Variants in UQCC1 observed in about 807,000 individuals in gnomAD.
UQCC1 encodes bFGF-repressed Zic-binding protein.
Under a neutral mutation model 48.0 loss-of-function variants are expected in UQCC1, and 38 were observed. The observed-to-expected ratio is 0.79, with a 90% confidence interval of 0.61 to 1.04. The LOEUF is 1.04. Among genes scored for constraint, UQCC1 ranks in the 50% least tolerant of loss-of-function variants. UQCC1 has a pLI of 0.00. For missense variants in UQCC1, 368 were observed against 381.8 expected, an observed-to-expected ratio of 0.96 and a Z score of 0.30; for synonymous variants, 111 against 129.2, an observed-to-expected ratio of 0.86 and a Z score of 0.95.
chr20:35,399,501 T>G (rs570120136), intron 1 of UQCC1, among the ~76,000 whole-genome samples: 1 of 152,120 alleles, frequency 6.6e-6, no homozygotes, highest in East Asian at 1.9e-4. Context: ...AATTTCCTTG[T>G]AGTAATTTTT....
chr20:35,397,093 G>A (rs1030867924), intron 1 of UQCC1, among the ~76,000 whole-genome samples: 1 of 151,652 alleles, frequency 6.6e-6, no homozygotes, highest in Admixed American at 6.6e-5. Context: ...AGCTACTCTG[G>A]AGGCTGAGGC....
intron 4 of UQCC1, among the ~76,000 whole-genome samples, chr20:35,375,142 T>C (rs2061781650): frequency 6.6e-6 from 1 of 152,078 alleles, no homozygotes; most frequent in Admixed American, 6.5e-5. Flanking sequence ...AGTTATAAAC[T>C]CAAATATGCA....
chr20:35,409,812 CT>C (rs34493303), intron 1 of UQCC1, among the ~76,000 whole-genome samples: 83,894 of 149,988 alleles, frequency 0.56, 23,988 homozygotes, highest in East Asian at 0.72. Flanking sequence ...AGGAATACTT[CT>C]TTTTTTTTTT....
chr20:35,402,544 C>T (rs555175946), intron 1 of UQCC1, among the ~76,000 whole-genome samples: 4 of 151,548 alleles, frequency 2.6e-5, no homozygotes, highest in South Asian at 2.1e-4. Context: ...CACCACTGCA[C>T]TCTAGCCTGG....
At chr20:35,353,748 T>C (rs1421460942) in intron 6 of UQCC1, among the ~76,000 whole-genome samples, 1 of 152,064 alleles carries the variant, frequency 6.6e-6, no homozygotes, top group African/African-American at 2.4e-5. Context: ...GTTGTGATTG[T>C]ACCACTAAAT....
intron 4 of UQCC1, among the ~76,000 whole-genome samples, chr20:35,381,265 T>A (rs2061864073): frequency 6.6e-6 from 1 of 152,186 alleles, no homozygotes; most frequent in African/African-American, 2.4e-5. Flanking sequence ...ATTAGTAAAA[T>A]TTTAAAGAAA....
At chr20:35,339,041 A>C (rs1220064708) in intron 7 of UQCC1, among the ~76,000 whole-genome samples, 2 of 151,118 alleles carry the variant, frequency 1.3e-5, no homozygotes, top group Non-Finnish European at 2.9e-5. Flanking sequence ...GTGTATAACC[A>C]GGCTTAAATG....
chr20:35,321,252 C>CTGTG (rs58532328), intron 7 of UQCC1, among the ~76,000 whole-genome samples: 13,505 of 147,030 alleles, frequency 0.092, 797 homozygotes, highest in African/African-American at 0.16. Flanking sequence ...ACAAACAAAA[C>CTGTG]TGTGTGTGTG....
At chr20:35,326,156 A>C (rs2061191205) in intron 7 of UQCC1, among the ~76,000 whole-genome samples, 1 of 152,206 alleles carries the variant, frequency 6.6e-6, no homozygotes, top group South Asian at 2.1e-4. Context: ...GAACTGAAAC[A>C]ATGTGAAGTG....
rs754622701 is a variant in UQCC1 at position 35,374,140 on chromosome 20, T to C, written c.406+44A>G. ...TTAAAACACAACCATAAAAATGAAATGTAGATTTGTTCTCCTTTTCAGTAC... is the reference window on the plus strand; with the variant it reads ...TTAAAACACAACCATAAAAATGAAACGTAGATTTGTTCTCCTTTTCAGTAC... On this transcript the variant is annotated intron_variant, in intron 5 of 9. Coordinates refer to ENST00000374385, the MANE Select transcript of UQCC1 (RefSeq NM_018244.5). The C allele has an allele frequency of 2.2e-5, 32 of 1,461,848 alleles. No individual in the cohort carries two copies. In the East Asian group the frequency reaches 7.3e-4, roughly 33 times the overall value. 90.6% of individuals were successfully genotyped at this position (1,461,848 alleles called of 1,614,324 possible). A position where few individuals can be genotyped will look rare whatever the true frequency, so the allele number is the denominator to read the frequency against.
At chr20:35,404,884 G>A (rs893849688) in intron 1 of UQCC1, among the ~76,000 whole-genome samples, 4 of 152,110 alleles carry the variant, frequency 2.6e-5, no homozygotes, top group African/African-American at 9.7e-5. Context: ...GAAAACAACA[G>A]GCTAACCAAA....
intron 7 of UQCC1, among the ~76,000 whole-genome samples, chr20:35,320,339 G>A (rs1384749210): frequency 6.6e-6 from 1 of 152,198 alleles, no homozygotes; most frequent in Non-Finnish European, 1.5e-5. Context: ...GACAGGAACT[G>A]TTACTGTCTC....
Position 35,347,251 on chromosome 20 carries a change from C to A in UQCC1, c.486G>T (p.Lys162Asn). The stretch of plus-strand genomic sequence containing the variant: ...TGTACTTCCCACTCCGGCCTTCCTG[C>A]TTCATTCGGACTAGACACATCCTGG... ...LHVWMCLVRM[K>N]QEGRSGKYMC... The change falls in exon 7 of 10, where the codon AAG becomes AAT. Residue 162 changes from lysine to asparagine, a missense_variant. By Grantham distance (94) the Lys-to-Asn change is moderately conservative. Transcript: ENST00000374385. The A allele has an allele frequency of 6.2e-7, 1 of 1,614,154 alleles. No homozygotes were observed. The highest frequency in any genetic ancestry group is 8.5e-7 in the Non-Finnish European group (1 of 1,180,028).
At chr20:35,394,262 T>C (rs568014100) in intron 1 of UQCC1, 66 bp from the exon 2 acceptor site, 22 of 1,346,416 alleles carry the variant, frequency 1.6e-5, no homozygotes, top group South Asian at 4.7e-5. Context: ...AGGCAAAGAG[T>C]GTACCTGTGA....
intron 2 of UQCC1, chr20:35,384,769 G>C (rs2061918810): frequency 2.8e-6 from 1 of 353,488 alleles, no homozygotes. Flanking sequence ...AGGAGTTTGA[G>C]AGCCTGGCCA....
chr20:35,321,914 A>C (rs756933658), intron 7 of UQCC1, among the ~76,000 whole-genome samples: 1 of 152,206 alleles, frequency 6.6e-6, no homozygotes, highest in Non-Finnish European at 1.5e-5. Context: ...GAGAGAAGAG[A>C]TGTATGTCCT....
chr20:35,396,717 G>A (rs1274700532), intron 1 of UQCC1, among the ~76,000 whole-genome samples: 1 of 152,110 alleles, frequency 6.6e-6, no homozygotes, highest in Non-Finnish European at 1.5e-5. Flanking sequence ...AAGGTCTCTT[G>A]GCCAAAGTGA....
At chr20:35,376,690 C>T (rs929686013) in intron 4 of UQCC1, among the ~76,000 whole-genome samples, 1 of 152,092 alleles carries the variant, frequency 6.6e-6, no homozygotes, top group Non-Finnish European at 1.5e-5. Context: ...ATCAGCCAGG[C>T]GCGGTGGCTC....
chr20:35,324,901 A>G (rs925243759), intron 7 of UQCC1, among the ~76,000 whole-genome samples: 11 of 152,264 alleles, frequency 7.2e-5, no homozygotes, highest in African/African-American at 2.7e-4. Context: ...TTTTCATAGT[A>G]GTATCATTTA....
Sources: gnomAD v4.1 joint callset for allele counts (sites outside exome capture counted in the v4.1 genomes callset) on GRCh38, gnomAD v4.1.1 for gene constraint, MANE v1.5 for transcripts, NCBI Gene and HGNC (gene_info 2026-07-23, HGNC 2026-07-21) for gene names.